Variants in ASPH observed in about 807,000 individuals in gnomAD.
The protein encoded by ASPH is aspartyl/asparaginyl beta-hydroxylase.
In ASPH, 100 loss-of-function variants were observed where a neutral mutation model predicts 118.4. That is an observed-to-expected ratio of 0.84 (90% CI 0.72 to 1.00). The LOEUF (loss-of-function observed/expected upper bound fraction) is 1.00, where lower values mean the gene tolerates loss of function less well. ASPH is among the 50% of genes least tolerant of loss of function. ASPH has a pLI of 0.00. For synonymous variants in ASPH, 315 were observed against 325.6 expected, an observed-to-expected ratio of 0.97 and a Z score of 0.35; for missense variants, 920 against 919.5, an observed-to-expected ratio of 1.00 and a Z score of -0.01.
intron 21 of ASPH, among the ~76,000 whole-genome samples, chr8:61,539,600 G>C (rs867906965): frequency 2.0e-5 from 3 of 152,022 alleles, no homozygotes; most frequent in African/African-American, 7.2e-5. Flanking sequence ...TATCTATTAG[G>C]AGACTGCCTT....
At chr8:61,676,213 G>C (rs749721439) in intron 3 of ASPH, 2 of 1,598,116 alleles carry the variant, frequency 1.3e-6, no homozygotes, top group Non-Finnish European at 1.7e-6. Context: ...TTATATCATA[G>C]AGAAATGAGA....
intron 14 of ASPH, among the ~76,000 whole-genome samples, chr8:61,618,716 A>C (rs544066245): frequency 1.3e-5 from 2 of 152,232 alleles, no homozygotes; most frequent in Non-Finnish European, 2.9e-5. Flanking sequence ...GAGGCACAAA[A>C]GTTAAGTATT....
At chr8:61,683,878 A>C (rs1290535324) in intron 2 of ASPH, 161 bp downstream of exon 2, 10 of 809,816 alleles carry the variant, frequency 1.2e-5, no homozygotes, top group Non-Finnish European at 1.7e-5. Flanking sequence ...CAATACTCCA[A>C]GGTAACCTTC....
At chr8:61,638,955 C>T (rs1422653884) in intron 10 of ASPH, among the ~76,000 whole-genome samples, 1 of 152,200 alleles carries the variant, frequency 6.6e-6, no homozygotes, top group Non-Finnish European at 1.5e-5. Context: ...TTTTCTGGCA[C>T]ACTACAAGAA....
chr8:61,551,611 C>T (rs913962386), intron 20 of ASPH, among the ~76,000 whole-genome samples: 2 of 152,180 alleles, frequency 1.3e-5, no homozygotes, highest in South Asian at 2.1e-4. Flanking sequence ...CTTGAAGTAA[C>T]GGCTGTTTTC....
chr8:61,529,200 T>C (rs1203274095), intron 21 of ASPH, among the ~76,000 whole-genome samples: 8 of 152,142 alleles, frequency 5.3e-5, no homozygotes, highest in Non-Finnish European at 1.2e-4. Context: ...AGGTCACATT[T>C]AGGCACAGGG....
Position 61,596,205 on chromosome 8 carries a change from C to T in ASPH, c.977-12176G>A, listed in dbSNP as rs564958225. 3.3e-5 allele frequency among the ~76,000 whole-genome samples: 5 copies of T among 152,284 alleles called. 1 individual carries two copies. The South Asian group carries it at 6.2e-4, about 19-fold the overall frequency. On this transcript the variant is annotated intron_variant, in intron 14 of 24. Coordinates refer to ENST00000379454, the MANE Select transcript of ASPH (RefSeq NM_004318.4). ...CCTAGGGATTGACCCACCCCATCTG[C>T]CACCACTGGCACCTGTGCATGCCTT...
At chr8:61,681,814 A>C (rs1194346685) in intron 2 of ASPH, among the ~76,000 whole-genome samples, 1 of 151,906 alleles carries the variant, frequency 6.6e-6, no homozygotes, top group Non-Finnish European at 1.5e-5. Context: ...CTTTATCATA[A>C]GGAACACTGT....
chr8:61,526,038 C>A lies in ASPH; in HGVS notation c.1839G>T (p.Leu613=), dbSNP rs1563698661. The change falls in exon 22 of 25, where the codon CTG becomes CTT. Residue 613 remains leucine (L), a synonymous_variant. Transcript: ENST00000379454. ...TTTCCCTCAGGTTTTCATCCTCAGG[C>A]AGGAAGAGACCTTTGGCTTTATCCA... is the stretch of plus-strand genomic sequence containing the variant. The part of the protein sequence containing the change: ...AVMDKAKGLF[L]PEDENLREKG... 1 of 1,614,004 alleles carries A rather than the reference C, an allele frequency of 6.2e-7. No homozygotes were observed. Among genetic ancestry groups the A allele is most frequent in the Non-Finnish European group, 8.5e-7 (1 of 1,179,926 alleles).
At chr8:61,545,223 T>TA (rs886088957) in intron 21 of ASPH, among the ~76,000 whole-genome samples, 2 of 152,138 alleles carry the variant, frequency 1.3e-5, no homozygotes, top group African/African-American at 2.4e-5. Context: ...ATTGTCCTTA[T>TA]AAAAAAAGCC....
At chr8:61,652,561 T>C (rs1811555576) in intron 4 of ASPH, among the ~76,000 whole-genome samples, 1 of 152,074 alleles carries the variant, frequency 6.6e-6, no homozygotes, top group Non-Finnish European at 1.5e-5. Flanking sequence ...GGTAAAAAAG[T>C]AATAGTGGAT....
chr8:61,641,371 T>G (rs145559088), intron 10 of ASPH, among the ~76,000 whole-genome samples: 154 of 152,308 alleles, frequency 1.0e-3, no homozygotes, highest in African/African-American at 3.3e-3. Flanking sequence ...GGAAAATATC[T>G]CAAATCCCAT....
chr8:61,539,790 A>G (rs1478814251), intron 21 of ASPH, among the ~76,000 whole-genome samples: 4 of 147,846 alleles, frequency 2.7e-5, no homozygotes, highest in Non-Finnish European at 6.0e-5. Context: ...CTACTCTAAC[A>G]GTTTTGAGTT....
chr8:61,553,087 C>T lies in ASPH; in HGVS notation c.1570G>A (p.Asp524Asn), dbSNP rs369044816. ...GIESGDPGTD[D>N]GRFYFHLGDA... Reference sequence around the variant, plus strand: ...CCCAGGTGGAAATAAAATCTCCCATCATCAGTGCCAGGATCTCCGGATTCT... The same window carrying T: ...CCCAGGTGGAAATAAAATCTCCCATTATCAGTGCCAGGATCTCCGGATTCT... Residue 524 changes from aspartate to asparagine, a missense_variant, in exon 20 of 25, where the codon GAT becomes AAT. Asp to Asn is a conservative substitution (Grantham distance 23). Transcript: ENST00000379454. The T allele has an allele frequency of 1.2e-6, 2 of 1,613,700 alleles. No homozygotes were observed. The highest frequency in any genetic ancestry group is 2.2e-5 in the South Asian group (2 of 91,066).
At chr8:61,506,942 G>A (rs1563623514) in intron 24 of ASPH, among the ~76,000 whole-genome samples, 1 of 152,158 alleles carries the variant, frequency 6.6e-6, no homozygotes, top group African/African-American at 2.4e-5. Flanking sequence ...GCAATGACAA[G>A]TGATTTTCAA....
At chr8:61,571,732 G>A (rs1833540826) in intron 16 of ASPH, among the ~76,000 whole-genome samples, 1 of 152,080 alleles carries the variant, frequency 6.6e-6, no homozygotes, top group South Asian at 2.1e-4. Context: ...TACATATAAG[G>A]AAAACTTCTA....
rs375253467 is a variant in ASPH at position 61,508,199 on chromosome 8, A to G, written c.2127-4690T>C. Among the ~76,000 whole-genome samples the G allele has an allele frequency of 1.3e-3, 191 of 152,180 alleles. 2 individuals are homozygous for G. The highest frequency in any genetic ancestry group is 4.3e-3 in the African/African-American group (179 of 41,538). The stretch of plus-strand genomic sequence containing the variant: ...CCAGCTAATTTTTGGATTTTTTTGT[A>G]GAGATGGGGTTTCCCCATGTTGCCC... On this transcript the variant is annotated intron_variant, in intron 24 of 24. Coordinates refer to ENST00000379454, the MANE Select transcript of ASPH (RefSeq NM_004318.4).
intron 21 of ASPH, among the ~76,000 whole-genome samples, chr8:61,538,187 G>A (rs1265344510): frequency 2.0e-5 from 3 of 152,198 alleles, no homozygotes; most frequent in Non-Finnish European, 4.4e-5. Flanking sequence ...CTTGCCCAAA[G>A]TGTCAGAGCT....
At position 61,643,993 on chromosome 8, in the gene ASPH, C is replaced by A. The variant is rs1273029835; in HGVS notation, c.661G>T (p.Asp221Tyr). 4.4e-6 allele frequency: 7 copies of A among 1,608,408 alleles called. No homozygotes were observed. In the Admixed American group the frequency reaches 1.2e-4, roughly 27 times the overall value. The change falls in exon 8 of 25, where the codon GAC becomes TAC. Residue 221 changes from aspartate to tyrosine, a missense_variant. Physicochemically the swap from Asp to Tyr is radical, Grantham distance 160. Coordinates refer to ENST00000379454, the MANE Select transcript of ASPH (RefSeq NM_004318.4). ...SYHVEETVSQ[D>Y]CNQDMEEMMS... ...ATCTCTTCCATATCCTGATTACAGT[C>A]TTGTGAAACTATAAATTATGGAATA...
Sources: allele counts gnomAD v4.1 joint callset (sites outside exome capture counted in the v4.1 genomes callset), GRCh38; gene constraint gnomAD v4.1.1; transcripts MANE v1.5; gene names NCBI Gene and HGNC (gene_info 2026-07-23, HGNC 2026-07-21).